The following TMTC1 variants were observed in gnomAD, a reference collection of about 807,000 sequenced individuals.
TMTC1 encodes transmembrane O-mannosyltransferase targeting cadherins 1.
A neutral mutation model predicts 104.8 loss-of-function variants in TMTC1; 73 were observed. The ratio of observed to expected loss-of-function variants is 0.70; its 90% CI spans 0.58 to 0.85. The LOEUF is 0.85. Among genes scored for constraint, TMTC1 ranks in the 40% least tolerant of loss-of-function variants. The pLI is 0.00. For missense variants in TMTC1, 1,035 were observed against 1,096.1 expected (o/e 0.94, Z 0.79); for synonymous variants, 434 against 428.7 (o/e 1.01, Z -0.15).
chr12:29,710,797 T>C (rs1244085387), intron 5 of TMTC1, among the ~76,000 whole-genome samples: 1 of 87,408 alleles, frequency 1.1e-5, no homozygotes, highest in African/African-American at 3.9e-5. Flanking sequence ...TATTAATACA[T>C]AATGTATTTA....
intron 5 of TMTC1, among the ~76,000 whole-genome samples, chr12:29,674,891 T>C (rs1026057451): frequency 5.9e-5 from 9 of 152,240 alleles, no homozygotes; most frequent in Admixed American, 2.0e-4. Flanking sequence ...TCTACTACTA[T>C]GATTATTACT....
chr12:29,635,876 C>A (rs764488769), intron 5 of TMTC1, among the ~76,000 whole-genome samples: 1 of 152,068 alleles, frequency 6.6e-6, no homozygotes, highest in Non-Finnish European at 1.5e-5. Flanking sequence ...AGGGCATTTG[C>A]AAATTAAAAG....
intron 8 of TMTC1, among the ~76,000 whole-genome samples, chr12:29,583,178 C>G (rs1326758): frequency 0.42 from 63,434 of 151,908 alleles, 15,099 homozygotes; most frequent in African/African-American, 0.65. Flanking sequence ...TTCCCAGGAG[C>G]CTTATTTTCA....
chr12:29,618,100 G>A (rs1254170260), intron 6 of TMTC1, among the ~76,000 whole-genome samples: 1 of 152,180 alleles, frequency 6.6e-6, no homozygotes, highest in Non-Finnish European at 1.5e-5. Context: ...GAAGCTGTCA[G>A]TGTCTAGATG....
Position 29,588,895 on chromosome 12 carries a change from T to C in TMTC1, c.1251-5321A>G, listed in dbSNP as rs188284093. 5.9e-3 allele frequency among the ~76,000 whole-genome samples: 882 copies of C among 150,200 alleles called. 3 individuals are homozygous for C. The highest frequency in any genetic ancestry group is 9.6e-3 in the Non-Finnish European group (654 of 67,988). On this transcript the variant is annotated intron_variant, in intron 7 of 17. Coordinates refer to ENST00000539277, the MANE Select transcript of TMTC1 (RefSeq NM_001193451.2). ...CTTGCTGAATTAAGTCTTGTGATAG[T>C]GTTAGGTCTTGGGACCCCAATTGAC...
intron 5 of TMTC1, among the ~76,000 whole-genome samples, chr12:29,651,873 A>C (rs1157009452): frequency 6.6e-6 from 1 of 151,448 alleles, no homozygotes; most frequent in African/African-American, 2.4e-5. Context: ...AGGTAGGGCT[A>C]AGCAAATAAC....
chr12:29,583,326 A>C, intron 8 of TMTC1, 81 bp downstream of exon 8: 1 of 1,389,276 alleles, frequency 7.2e-7, no homozygotes, highest in Non-Finnish European at 9.8e-7. Context: ...TGCCAGGCCC[A>C]TGTTACCTCA....
At chr12:29,575,558 CT>C (rs80328320) in intron 8 of TMTC1, among the ~76,000 whole-genome samples, 2,606 of 151,702 alleles carry the variant, frequency 0.017, 59 homozygotes, top group East Asian at 0.055. Context: ...CTAAAATCCA[CT>C]GGCTGGGAGC....
At chr12:29,592,682 A>G (rs928317131) in intron 7 of TMTC1, among the ~76,000 whole-genome samples, 1 of 152,210 alleles carries the variant, frequency 6.6e-6, no homozygotes, top group Non-Finnish European at 1.5e-5. Flanking sequence ...CCACCCTGAC[A>G]CTGTTGTTTG....
In TMTC1 at chr12:29,702,994, ATTAG is replaced by A. The variant is rs1462861598; in HGVS notation, c.938+48668_938+48671del. Among the ~76,000 whole-genome samples the A allele has an allele frequency of 3.9e-5, 6 of 152,070 alleles. No homozygotes were observed. The South Asian group carries it at 1.2e-3, about 32-fold the overall frequency. The stretch of plus-strand genomic sequence containing the variant: ...ACTGCGTCTCTACTAAAATATAAAA[ATTAG>A]TTAGGCACGGTGGCGCGTGCCTATA... On this transcript the variant is annotated intron_variant, in intron 5 of 17. Transcript: ENST00000539277.
At chr12:29,535,413 C>T (rs1944615206) in intron 11 of TMTC1, 1 of 152,210 alleles carries the variant, frequency 6.6e-6, no homozygotes, top group Non-Finnish European at 1.5e-5. Context: ...AATTTTGCTT[C>T]TTGCTGGAGC....
At chr12:29,710,290 G>T (rs971289478) in intron 5 of TMTC1, among the ~76,000 whole-genome samples, 3 of 152,016 alleles carry the variant, frequency 2.0e-5, no homozygotes, top group African/African-American at 7.2e-5. Flanking sequence ...CAGATCTTTT[G>T]TAAGTCACTT....
At chr12:29,663,024 G>A (rs368801041) in intron 5 of TMTC1, among the ~76,000 whole-genome samples, 4 of 152,168 alleles carry the variant, frequency 2.6e-5, no homozygotes, top group African/African-American at 4.8e-5. Context: ...CACAACCCAC[G>A]GGGATAGCTA....
At chr12:29,577,980 T>C (rs1945870565) in intron 8 of TMTC1, among the ~76,000 whole-genome samples, 1 of 152,096 alleles carries the variant, frequency 6.6e-6, no homozygotes, top group Admixed American at 6.6e-5. Context: ...AAATAGTGCA[T>C]GGTAGCAGTA....
chr12:29,577,796 T>G (rs530323610), intron 8 of TMTC1, among the ~76,000 whole-genome samples: 1 of 152,282 alleles, frequency 6.6e-6, no homozygotes, highest in Non-Finnish European at 1.5e-5. Flanking sequence ...TATTTGAATG[T>G]TAAAAAGCAA....
chr12:29,605,378 G>A (rs886415546), intron 6 of TMTC1, among the ~76,000 whole-genome samples: 2 of 151,454 alleles, frequency 1.3e-5, no homozygotes, highest in South Asian at 2.1e-4. Flanking sequence ...TTTGTTTTAC[G>A]GACTAAAATA....
At chr12:29,670,939 A>AAAAAAAAAAAAAAAG in intron 5 of TMTC1, among the ~76,000 whole-genome samples, 1 of 86,936 alleles carries the variant, frequency 1.2e-5, no homozygotes, top group African/African-American at 4.2e-5. Context: ...TGTCTCAAAA[A>AAAAAAAAAAAAAAAG]AAAAGAAAAA....
intron 5 of TMTC1, among the ~76,000 whole-genome samples, chr12:29,738,382 C>A (rs1591994193): frequency 6.6e-6 from 1 of 152,134 alleles, no homozygotes; most frequent in African/African-American, 2.4e-5. Flanking sequence ...ACGTGAATAC[C>A]GAACTTTGTT....
At chr12:29,556,791 T>C (rs770981753) in intron 10 of TMTC1, 66 bp downstream of exon 10, 33 of 1,595,980 alleles carry the variant, frequency 2.1e-5, no homozygotes, top group Non-Finnish European at 2.8e-5. Context: ...ATCAAATGAG[T>C]GTTGAGAAGG....
Sources: gnomAD v4.1 joint callset for allele counts (sites outside exome capture counted in the v4.1 genomes callset) on GRCh38, gnomAD v4.1.1 for gene constraint, MANE v1.5 for transcripts, NCBI Gene and HGNC (gene_info 2026-07-23, HGNC 2026-07-21) for gene names.